GRB14: variants seen among roughly 807,000 people sequenced by gnomAD.
GRB14 encodes growth factor receptor-bound protein 14.
GRB14 carries 38 observed loss-of-function variants against 69.1 expected under a neutral mutation model. The observed-to-expected ratio is 0.55, with a 90% confidence interval of 0.42 to 0.72. The LOEUF is 0.72. Ranked by LOEUF, GRB14 falls within the 30% of genes least tolerant of loss-of-function variation. GRB14 has a pLI of 0.00. For missense variants in GRB14, 666 were observed against 666.1 expected, an observed-to-expected ratio of 1.00 and a Z score of 0.00; for synonymous variants, 247 against 241.3, an observed-to-expected ratio of 1.02 and a Z score of -0.22.
intron 2 of GRB14, among the ~76,000 whole-genome samples, chr2:164,589,364 A>G (rs539062354): frequency 6.6e-6 from 1 of 152,254 alleles, no homozygotes; most frequent in South Asian, 2.1e-4. Context: ...CTTAGTCCAT[A>G]TATGTTGTTA....
At chr2:164,566,563 A>G (rs959217472) in intron 2 of GRB14, among the ~76,000 whole-genome samples, 3 of 152,148 alleles carry the variant, frequency 2.0e-5, no homozygotes, top group African/African-American at 7.2e-5. Context: ...TGTAACATCA[A>G]TAATAACCAC....
chr2:164,492,977 T>C lies in GRB14; in HGVS notation c.*59A>G. 2 of 1,498,244 alleles carry C rather than the reference T, an allele frequency of 1.3e-6. No individual in the cohort carries two copies. The highest frequency in any genetic ancestry group is 1.8e-6 in the Non-Finnish European group (2 of 1,104,490). 92.8% of individuals were successfully genotyped at this position (1,498,244 alleles called of 1,614,324 possible). Reference sequence around the variant, plus strand: ...ATGTTTTCGCCCTTATTTATGGTCTTTTATTATTTTTCTTGAGTCCTTTTC... The same window carrying C: ...ATGTTTTCGCCCTTATTTATGGTCTCTTATTATTTTTCTTGAGTCCTTTTC... On this transcript the variant is annotated 3_prime_UTR_variant, in exon 14 of 14. Transcript: ENST00000263915.
At chr2:164,539,765 C>CA (rs1376272198) in intron 3 of GRB14, 1 of 152,104 alleles carries the variant, frequency 6.6e-6, no homozygotes, top group Non-Finnish European at 1.5e-5. Context: ...AATATCCTTA[C>CA]CTATGAGGCC....
intron 2 of GRB14, among the ~76,000 whole-genome samples, chr2:164,593,728 G>A (rs775655084): frequency 1.1e-4 from 17 of 152,174 alleles, no homozygotes; most frequent in African/African-American, 2.7e-4. Context: ...AACGTCTCTC[G>A]GCAGGGGCAG....
At chr2:164,521,877 C>T in intron 6 of GRB14, 103 bp downstream of exon 6, 1 of 1,060,846 alleles carries the variant, frequency 9.4e-7, no homozygotes, top group East Asian at 2.4e-5. Context: ...CAAAGACCAA[C>T]CTTTGACATC....
chr2:164,578,005 C>T (rs776640938), intron 2 of GRB14, among the ~76,000 whole-genome samples: 3 of 152,046 alleles, frequency 2.0e-5, no homozygotes, highest in Admixed American at 6.6e-5. Flanking sequence ...GAGGTGGAGG[C>T]GGGCAGATCA....
chr2:164,575,543 G>C (rs1689231211), intron 2 of GRB14, among the ~76,000 whole-genome samples: 1 of 152,070 alleles, frequency 6.6e-6, no homozygotes, highest in South Asian at 2.1e-4. Flanking sequence ...AGCTGAGGGA[G>C]CAAGGACATG....
At position 164,603,462 on chromosome 2, in the gene GRB14, G is replaced by A. The variant is rs570711719; in HGVS notation, c.324+16225C>T. ...GAGGATCACCTGAGGTCAGGAGTTCGAGACCAGCCTGGCCAACATAGTGAA... is the reference window on the plus strand; with the variant it reads ...GAGGATCACCTGAGGTCAGGAGTTCAAGACCAGCCTGGCCAACATAGTGAA... On this transcript the variant is annotated intron_variant, in intron 2 of 13. Coordinates refer to ENST00000263915, the MANE Select transcript of GRB14 (RefSeq NM_004490.3). 6.6e-5 allele frequency among the ~76,000 whole-genome samples: 10 copies of A among 152,014 alleles called. No individual in the cohort carries two copies. The South Asian group carries it at 1.5e-3, about 22-fold the overall frequency.
chr2:164,614,836 G>C (rs1379709554), intron 2 of GRB14, among the ~76,000 whole-genome samples: 2 of 152,022 alleles, frequency 1.3e-5, no homozygotes, highest in Non-Finnish European at 2.9e-5. Context: ...TCCAAAGTGG[G>C]GTAATTACTG....
chr2:164,493,769 C>G (rs996669066), intron 13 of GRB14, among the ~76,000 whole-genome samples: 1 of 151,374 alleles, frequency 6.6e-6, no homozygotes, highest in African/African-American at 2.4e-5. Context: ...CAAAAAGAGG[C>G]AATTCAAAAG....
chr2:164,605,963 A>G (rs1690030579), intron 2 of GRB14, among the ~76,000 whole-genome samples: 1 of 152,202 alleles, frequency 6.6e-6, no homozygotes, highest in Admixed American at 6.5e-5. Flanking sequence ...AACATGCAAA[A>G]GAAAGTAATT....
rs550964360 is a variant in GRB14 at position 164,588,333 on chromosome 2, T to C, written c.324+31354A>G. On this transcript the variant is annotated intron_variant, in intron 2 of 13. Transcript: ENST00000263915. ...ACAGCAGCAGCCTTATGTTCTCTCA[T>C]TAGACTCTCCTGAGCAGATTGAGTA... Among the ~76,000 whole-genome samples, 13 of 152,292 alleles carry C rather than the reference T, an allele frequency of 8.5e-5. No homozygotes were observed. The South Asian group carries it at 2.5e-3, about 29-fold the overall frequency.
intron 2 of GRB14, among the ~76,000 whole-genome samples, chr2:164,600,995 T>C (rs138167987): frequency 4.1e-4 from 63 of 151,998 alleles, no homozygotes; most frequent in African/African-American, 1.4e-3. Flanking sequence ...AAAAAAAGGT[T>C]GAGAAAATAC....
At chr2:164,587,937 T>G (rs556568990) in intron 2 of GRB14, among the ~76,000 whole-genome samples, 1 of 152,238 alleles carries the variant, frequency 6.6e-6, no homozygotes, top group East Asian at 1.9e-4. Context: ...TCAAAGGCAG[T>G]GTTTGCCATG....
chr2:164,565,040 AC>A (rs1295704023), intron 2 of GRB14, among the ~76,000 whole-genome samples: 3 of 152,102 alleles, frequency 2.0e-5, no homozygotes, highest in Non-Finnish European at 4.4e-5. Flanking sequence ...AAACAAACAA[AC>A]AAAAAATGTT....
intron 2 of GRB14, among the ~76,000 whole-genome samples, chr2:164,562,572 T>A (rs1214196549): frequency 2.0e-5 from 3 of 152,200 alleles, no homozygotes; most frequent in African/African-American, 7.2e-5. Flanking sequence ...AAAGTTTAAA[T>A]TCTCAGTCAC....
At chr2:164,551,038 G>A (rs539578200) in intron 2 of GRB14, among the ~76,000 whole-genome samples, 4 of 152,254 alleles carry the variant, frequency 2.6e-5, no homozygotes, top group South Asian at 2.1e-4. Context: ...AGCTCTAAAA[G>A]CCAGGCATCT....
chr2:164,501,004 T>C (rs1488095963), intron 9 of GRB14, among the ~76,000 whole-genome samples: 1 of 152,140 alleles, frequency 6.6e-6, no homozygotes, highest in African/African-American at 2.4e-5. Context: ...TTTTGGACTC[T>C]AAAAGAAATT....
rs1296095604 is a variant in GRB14, at chr2:164,621,280, G to T, written c.30C>A (p.Ser10Arg). The change falls in exon 1 of 14, where the codon AGC becomes AGA. Residue 10 changes from serine (S) to arginine (R), a missense_variant. Ser to Arg is a moderately radical substitution (Grantham distance 110). Transcript: ENST00000263915. This position sits in a 1 kb window ranked among gnomAD's most constrained non-coding sequence, Gnocchi z 6.0. The part of the protein sequence containing the change: MTTSLQDGQ[S>R]AASRAAARDS... ...CCCGGGCAGCCGCCCTGCTCGCGGC[G>T]CTCTGCCCATCTTGCAGGGAAGTGG... The T allele has an allele frequency of 7.8e-7, 1 of 1,285,356 alleles. No individual in the cohort carries two copies. The highest frequency in any genetic ancestry group is 3.1e-5 in the Admixed American group (1 of 31,750). The allele number at this position is 1,285,356 out of a possible 1,614,324, so 79.6% of individuals were successfully genotyped here.
Sources: gnomAD v4.1 joint callset for allele counts (sites outside exome capture counted in the v4.1 genomes callset) on GRCh38, gnomAD v4.1.1 for gene constraint, Gnocchi (gnomAD v3.1) non-coding constraint, MANE v1.5 for transcripts, NCBI Gene and HGNC (gene_info 2026-07-23, HGNC 2026-07-21) for gene names.